The following SLC45A4 variants were observed in gnomAD, a reference collection of about 807,000 sequenced individuals.
SLC45A4 encodes the protein solute carrier family 45 member 4.
SLC45A4 carries 32 observed loss-of-function variants against 63.7 expected under a neutral mutation model. The observed-to-expected ratio is 0.50, with a 90% CI of 0.38 to 0.67. The LOEUF is 0.67. Among genes scored for constraint, SLC45A4 ranks in the 30% least tolerant of loss-of-function variants. The pLI is 0.00. For missense variants in SLC45A4, 1,027 were observed against 1,157.7 expected (o/e 0.89, Z 1.64); for synonymous variants, 535 against 510.0 (o/e 1.05, Z -0.66).
chr8:141,257,143 C>T (rs1292475859), intron 1 of SLC45A4, among the ~76,000 whole-genome samples: 1 of 152,196 alleles, frequency 6.6e-6, no homozygotes, highest in African/African-American at 2.4e-5. Flanking sequence ...TGGGGCACCA[C>T]ACCCAGCCAG....
At chr8:141,247,233 T>C (rs943447705) in intron 2 of SLC45A4, among the ~76,000 whole-genome samples, 3 of 98,784 alleles carry the variant, frequency 3.0e-5, no homozygotes, top group Non-Finnish European at 5.6e-5. Flanking sequence ...AATTGCAAGG[T>C]ATAAGGTCAA....
chr8:141,272,303 G>A (rs1340639180), intron 1 of SLC45A4, among the ~76,000 whole-genome samples: 2 of 152,176 alleles, frequency 1.3e-5, no homozygotes, highest in African/African-American at 4.8e-5. Context: ...GCCAAAATCT[G>A]AACAGGAGGT....
chr8:141,269,806 G>A (rs1292934522), intron 1 of SLC45A4, among the ~76,000 whole-genome samples: 1 of 152,094 alleles, frequency 6.6e-6, no homozygotes, highest in African/African-American at 2.4e-5. Context: ...TGTATGTGTT[G>A]TGTTTGTAAA....
At chr8:141,274,173 G>A (rs1402418810) in intron 1 of SLC45A4, among the ~76,000 whole-genome samples, 7 of 151,876 alleles carry the variant, frequency 4.6e-5, no homozygotes, top group Non-Finnish European at 7.4e-5. Context: ...AGTTTACAGT[G>A]AGCCGAGATC....
chr8:141,215,622 G>A lies in SLC45A4; in HGVS notation c.1941+137C>T, dbSNP rs117071163. The A allele has an allele frequency of 6.8e-3, 5,760 of 848,668 alleles. 32 individuals carry two copies. The highest frequency in any genetic ancestry group is 9.5e-3 in the Non-Finnish European group (5,115 of 540,298). 52.6% of individuals were successfully genotyped at this position (848,668 alleles called of 1,614,324 possible). The stretch of plus-strand genomic sequence containing the variant: ...GGTGGCTCTGTGGGCTTTGGAAGGG[G>A]CCATCTCAGAACCGGAGAGGAAGGA... On this transcript the variant is annotated intron_variant, in intron 7 of 8. Transcript: ENST00000517878. This position sits in a 1 kb window ranked among gnomAD's most constrained non-coding sequence, Gnocchi z 4.3.
chr8:141,217,431 G>A (rs1213615619), intron 5 of SLC45A4, among the ~76,000 whole-genome samples: 2 of 152,248 alleles, frequency 1.3e-5, no homozygotes, highest in Non-Finnish European at 2.9e-5. Flanking sequence ...AGGGTTCTGT[G>A]TGTCTCCCGG....
Position 141,215,921 on chromosome 8 carries a change from G to C in SLC45A4, c.1779C>G (p.Ile593Met). 1 of 1,614,126 alleles carries C rather than the reference G, an allele frequency of 6.2e-7. No homozygotes were observed. Among genetic ancestry groups the C allele is most frequent in the Non-Finnish European group, 8.5e-7 (1 of 1,180,012 alleles). The change falls in exon 7 of 9, where the codon ATC becomes ATG. Residue 593 changes from isoleucine (I) to methionine (M), a missense_variant. Physicochemically the swap from Ile to Met is conservative, Grantham distance 10 (BLOSUM62 1). Transcript: ENST00000517878. This position sits in a 1 kb window ranked among gnomAD's most constrained non-coding sequence, Gnocchi z 4.3. ...LDNYDLSVRV[I>M]YVLGTLGFSV... The stretch of plus-strand genomic sequence containing the variant: ...AGAAGCCCAGCGTCCCCAGCACGTA[G>C]ATCACCCTGACGCTCAGGTCGTAGT...
chr8:141,249,129 G>A (rs1283962937), intron 2 of SLC45A4, among the ~76,000 whole-genome samples: 4 of 152,088 alleles, frequency 2.6e-5, no homozygotes, highest in African/African-American at 4.8e-5. Flanking sequence ...CATTGACGAC[G>A]ATGTGGAGAA....
chr8:141,279,292 G>A (rs939656113), intron 1 of SLC45A4, among the ~76,000 whole-genome samples: 3 of 152,216 alleles, frequency 2.0e-5, no homozygotes, highest in African/African-American at 4.8e-5. Flanking sequence ...TGAAGGAAAC[G>A]GCTCTGGAGG....
chr8:141,222,265 G>A (rs1359310097), intron 2 of SLC45A4, among the ~76,000 whole-genome samples: 2 of 152,250 alleles, frequency 1.3e-5, no homozygotes, highest in Non-Finnish European at 1.5e-5. Context: ...ACGACTTCTA[G>A]ACCTCACTGG....
intron 1 of SLC45A4, among the ~76,000 whole-genome samples, chr8:141,255,914 T>C (rs1021303561): frequency 1.3e-5 from 2 of 152,084 alleles, no homozygotes; most frequent in African/African-American, 2.4e-5. Context: ...TATAGACCTT[T>C]TCTCCAGAAA....
chr8:141,242,675 ACTC>A (rs1448650351), intron 2 of SLC45A4, among the ~76,000 whole-genome samples: 1 of 151,974 alleles, frequency 6.6e-6, no homozygotes, highest in East Asian at 1.9e-4. Flanking sequence ...GCTGAGTCAA[ACTC>A]CTCCATTAGG....
Position 141,252,889 on chromosome 8 carries a change from C to A in SLC45A4, c.241+1100G>T, listed in dbSNP as rs367880199. 4.6e-5 allele frequency among the ~76,000 whole-genome samples: 7 copies of A among 151,204 alleles called. No individual in the cohort carries two copies. In the East Asian group the frequency reaches 9.8e-4, roughly 21 times the overall value. On this transcript the variant is annotated intron_variant, in intron 2 of 8. Coordinates refer to ENST00000517878, the MANE Select transcript of SLC45A4 (RefSeq NM_001286646.2). ...TGTGAATTTCTGTTTTCATATCCAC[C>A]TGTGTGTCTGTGAATTTTCGTGTTT...
intron 1 of SLC45A4, among the ~76,000 whole-genome samples, chr8:141,303,921 C>T (rs567560048): frequency 4.6e-5 from 7 of 152,312 alleles, no homozygotes; most frequent in East Asian, 1.9e-4. Flanking sequence ...TGAAAGGTTA[C>T]GCAAATCCCT....
At chr8:141,244,296 C>T (rs990757382) in intron 2 of SLC45A4, among the ~76,000 whole-genome samples, 6 of 152,310 alleles carry the variant, frequency 3.9e-5, no homozygotes, top group East Asian at 1.9e-4. Flanking sequence ...ATGCCTGGGC[C>T]GGAGGCAGAG....
In SLC45A4 at chr8:141,218,240, T is replaced by C. The variant is rs770831783; in HGVS notation, c.1400A>G (p.Gln467Arg). 1.1e-5 allele frequency: 17 copies of C among 1,601,564 alleles called. No homozygotes were observed. Among genetic ancestry groups the C allele is most frequent in the African/African-American group, 5.3e-5 (4 of 74,892 alleles). ...CCCGCTCTGGTTCCGGTGCCGGTGC[T>C]GCCGCTGCCGCTTCTGCATGTCGTA... ...DLYDMQKRQR[Q>R]HRHRNQSGAT... The change falls in exon 5 of 9, where the codon CAG becomes CGG. Residue 467 changes from glutamine to arginine, a missense_variant. Coordinates refer to ENST00000517878, the MANE Select transcript of SLC45A4 (RefSeq NM_001286646.2).
chr8:141,211,563 G>C lies in SLC45A4; in HGVS notation c.*9C>G. 1 of 1,613,248 alleles carries C rather than the reference G, an allele frequency of 6.2e-7. No homozygotes were observed. Among genetic ancestry groups the C allele is most frequent in the Non-Finnish European group, 8.5e-7 (1 of 1,179,922 alleles). On this transcript the variant is annotated 3_prime_UTR_variant, in exon 9 of 9. Coordinates refer to ENST00000517878, the MANE Select transcript of SLC45A4 (RefSeq NM_001286646.2). ...CAACTCGCTGAGGAAAAGAAGATAC[G>C]TCATTCTTCTAAGAGAACCACATTG...
rs1555571147 is a variant in SLC45A4, at chr8:141,239,594, A to ACACATG, written c.241+14394_241+14395insCATGTG. ...GCAAAGCACACACACACACACACAC[A>ACACATG]CACACGCACGCACACACACAGCATC... On this transcript the variant is annotated intron_variant, in intron 2 of 8. Transcript: ENST00000517878. Among the ~76,000 whole-genome samples the ACACATG allele has an allele frequency of 7.2e-5, 11 of 151,850 alleles. No homozygotes were observed. In the East Asian group the frequency reaches 1.7e-3, roughly 24 times the overall value.
In SLC45A4 at chr8:141,254,403, G is replaced by T; in HGVS notation, c.-174C>A. 1 of 743,164 alleles carries T rather than the reference G, an allele frequency of 1.3e-6. No homozygotes were observed. Among genetic ancestry groups the T allele is most frequent in the Non-Finnish European group, 2.2e-6 (1 of 459,502 alleles). 46.0% of individuals were successfully genotyped at this position (743,164 alleles called of 1,614,324 possible). A position where few individuals can be genotyped will look rare whatever the true frequency, so the allele number is the denominator to read the frequency against. ...TGGCTATCTCACAACTTCTCACAAC[G>T]GTATGAGACATGCAGCAACACAGAA... On this transcript the variant is annotated 5_prime_UTR_variant, in exon 2 of 9. Transcript: ENST00000517878. This position sits in a 1 kb window ranked among gnomAD's most constrained non-coding sequence, Gnocchi z 4.5.
Sources: gnomAD v4.1 joint callset for allele counts (sites outside exome capture counted in the v4.1 genomes callset) on GRCh38, gnomAD v4.1.1 for gene constraint, Gnocchi (gnomAD v3.1) non-coding constraint, MANE v1.5 for transcripts, NCBI Gene and HGNC (gene_info 2026-07-23, HGNC 2026-07-21) for gene names.